GRID2: variants seen among roughly 807,000 people sequenced by gnomAD.
GRID2 encodes the protein glutamate ionotropic receptor delta type subunit 2, also known as glutamate receptor ionotropic, delta-2.
In GRID2, 33 loss-of-function variants were observed where a neutral mutation model predicts 114.8. The ratio of observed to expected loss-of-function variants is 0.29; its 90% CI spans 0.22 to 0.38. The LOEUF (loss-of-function observed/expected upper bound fraction) is 0.38, where lower values mean the gene tolerates loss of function less well. Ranked by LOEUF, GRID2 falls within the 10% of genes least tolerant of loss-of-function variation. The pLI is 1.00. For synonymous variants in GRID2, 505 were observed against 449.9 expected, an observed-to-expected ratio of 1.12 and a Z score of -1.55; for missense variants, 1,184 against 1,257.7, an observed-to-expected ratio of 0.94 and a Z score of 0.89.
chr4:93,197,446 G>A (rs774379665), intron 4 of GRID2, among the ~76,000 whole-genome samples: 6 of 151,692 alleles, frequency 4.0e-5, no homozygotes, highest in African/African-American at 7.3e-5. Flanking sequence ...TATTATCTAC[G>A]TGTGTGTGTG....
At chr4:92,917,902 C>A (rs1238440705) in intron 2 of GRID2, among the ~76,000 whole-genome samples, 2 of 152,124 alleles carry the variant, frequency 1.3e-5, no homozygotes, top group Non-Finnish European at 2.9e-5. Context: ...TCATTGGTAG[C>A]TTAATGGGGA....
At chr4:92,634,290 T>A (rs1377087744) in intron 2 of GRID2, among the ~76,000 whole-genome samples, 1 of 152,188 alleles carries the variant, frequency 6.6e-6, no homozygotes, top group Non-Finnish European at 1.5e-5. Flanking sequence ...AAATTTGAAC[T>A]TTTAATGTTT....
chr4:93,778,993 C>G (rs571303603), downstream of GRID2, among the ~76,000 whole-genome samples: 1 of 152,206 alleles, frequency 6.6e-6, no homozygotes, highest in African/African-American at 2.4e-5. Context: ...ACTTATTTCT[C>G]ACTCAGATTT....
chr4:93,443,744 T>C (rs928956795), intron 10 of GRID2, among the ~76,000 whole-genome samples: 2 of 150,846 alleles, frequency 1.3e-5, no homozygotes, highest in African/African-American at 4.9e-5. Flanking sequence ...GAGCTTCATA[T>C]GGAAAAAAAA....
At position 92,888,073 on chromosome 4, in the gene GRID2, A is replaced by G. The variant is rs181835772; in HGVS notation, c.245-196922A>G. ...GAAACCTAGAGTTCGAAGGATTATG[A>G]TGCAGCCTATATGGTGTATGATGAA... On this transcript the variant is annotated intron_variant, in intron 2 of 15. Transcript: ENST00000282020. Among the ~76,000 whole-genome samples, 675 of 152,320 alleles carry G rather than the reference A, an allele frequency of 4.4e-3. 8 individuals carry two copies. The highest frequency in any genetic ancestry group is 0.016 in the African/African-American group (650 of 41,592).
intron 12 of GRID2, 142 bp downstream of exon 12, chr4:93,490,919 A>C (rs1726935051): frequency 1.7e-6 from 1 of 574,298 alleles, no homozygotes; most frequent in Admixed American, 3.3e-5. Flanking sequence ...GTTACTGCAA[A>C]GTATCACTGA....
chr4:93,142,020 G>A (rs1055402663), intron 4 of GRID2, among the ~76,000 whole-genome samples: 3 of 152,130 alleles, frequency 2.0e-5, no homozygotes, highest in Non-Finnish European at 2.9e-5. Context: ...AGCCAGACCA[G>A]CCTGGGAAAC....
chr4:93,026,290 A>G (rs899447703), intron 2 of GRID2, among the ~76,000 whole-genome samples: 5 of 151,832 alleles, frequency 3.3e-5, no homozygotes, highest in Non-Finnish European at 7.4e-5. Flanking sequence ...CATTGAGCTC[A>G]TTATAAAATA....
chr4:92,395,999 TTAAG>T (rs1383806216), intron 1 of GRID2, among the ~76,000 whole-genome samples: 4 of 151,866 alleles, frequency 2.6e-5, no homozygotes, highest in African/African-American at 9.7e-5. Flanking sequence ...ACACAGCTTT[TTAAG>T]TAATAGAAGA....
intron 1 of GRID2, among the ~76,000 whole-genome samples, chr4:93,805,829 G>T (rs1331554356): frequency 6.6e-6 from 1 of 152,172 alleles, no homozygotes; most frequent in Non-Finnish European, 1.5e-5. Flanking sequence ...GAGTGTGGTG[G>T]CTCACGCCTG....
At chr4:92,750,530 A>T (rs1224549132) in intron 2 of GRID2, among the ~76,000 whole-genome samples, 2 of 152,202 alleles carry the variant, frequency 1.3e-5, no homozygotes, top group Non-Finnish European at 2.9e-5. Context: ...GAATGGTGCT[A>T]GAAATGATAC....
intron 2 of GRID2, among the ~76,000 whole-genome samples, chr4:92,720,419 G>A (rs1292640648): frequency 6.6e-6 from 1 of 151,882 alleles, no homozygotes; most frequent in African/African-American, 2.4e-5. Flanking sequence ...ACTCAGATGA[G>A]TTAAATGGAT....
chr4:92,687,662 T>C (rs1440704810), intron 2 of GRID2, among the ~76,000 whole-genome samples: 2 of 152,038 alleles, frequency 1.3e-5, no homozygotes, highest in Non-Finnish European at 2.9e-5. Flanking sequence ...ACCCCATCTC[T>C]ACTAAAAATA....
intron 2 of GRID2, among the ~76,000 whole-genome samples, chr4:93,000,934 AC>A (rs1188483188): frequency 2.0e-5 from 3 of 151,688 alleles, no homozygotes; most frequent in Non-Finnish European, 4.4e-5. Flanking sequence ...AACTAAATAT[AC>A]CCTGTGAATC....
chr4:93,650,080 C>G (rs1033844308), intron 14 of GRID2, among the ~76,000 whole-genome samples: 1 of 152,026 alleles, frequency 6.6e-6, no homozygotes, highest in Non-Finnish European at 1.5e-5. Flanking sequence ...GGCCTTGATT[C>G]CTAGGCTCAC....
At chr4:93,170,381 G>A (rs185104456) in intron 4 of GRID2, among the ~76,000 whole-genome samples, 1 of 151,578 alleles carries the variant, frequency 6.6e-6, no homozygotes, top group African/African-American at 2.4e-5. Flanking sequence ...ACTGTGCTGG[G>A]CCCCCCCCTT....
intron 11 of GRID2, among the ~76,000 whole-genome samples, chr4:93,476,839 C>A (rs961857079): frequency 2.0e-5 from 3 of 151,926 alleles, no homozygotes; most frequent in Non-Finnish European, 4.4e-5. Flanking sequence ...TTATTTTTAT[C>A]ATTAACATTT....
intron 1 of GRID2, among the ~76,000 whole-genome samples, chr4:93,795,067 TA>T (rs1734769517): frequency 6.6e-6 from 1 of 152,136 alleles, no homozygotes; most frequent in South Asian, 2.1e-4. Flanking sequence ...CTTTTTCACA[TA>T]AGAAGATATT....
intron 1 of GRID2, among the ~76,000 whole-genome samples, chr4:92,539,661 A>T (rs1349060553): frequency 1.3e-5 from 2 of 152,166 alleles, no homozygotes; most frequent in Admixed American, 6.6e-5. Context: ...TTGCTACCAA[A>T]TTAGTAATTG....
Sources: allele counts gnomAD v4.1 joint callset (sites outside exome capture counted in the v4.1 genomes callset), GRCh38; gene constraint gnomAD v4.1.1; transcripts MANE v1.5; gene names NCBI Gene and HGNC (gene_info 2026-07-23, HGNC 2026-07-21).